Variants in TMEM68 observed in about 807,000 individuals in gnomAD.
TMEM68 encodes DGAT1/2-independent enzyme synthesizing storage lipids.
TMEM68 carries 25 observed loss-of-function variants against 36.9 expected under a neutral mutation model. The observed-to-expected ratio is 0.68, with a 90% confidence interval of 0.49 to 0.95. The LOEUF (loss-of-function observed/expected upper bound fraction) is 0.95, where lower values mean the gene tolerates loss of function less well. Ranked by LOEUF, TMEM68 falls within the 40% of genes least tolerant of loss-of-function variation. TMEM68 has a pLI of 0.00. For synonymous variants in TMEM68, 131 were observed against 124.4 expected, an observed-to-expected ratio of 1.05 and a Z score of -0.35; for missense variants, 333 against 392.0, an observed-to-expected ratio of 0.85 and a Z score of 1.27.
At chr8:55,769,236 T>C (rs917330654) in intron 1 of TMEM68, among the ~76,000 whole-genome samples, 1 of 142,002 alleles carries the variant, frequency 7.0e-6, no homozygotes, top group African/African-American at 2.6e-5. Flanking sequence ...GGCACTAGAA[T>C]TGCTTGAACC....
intron 1 of TMEM68, among the ~76,000 whole-genome samples, chr8:55,765,279 G>A (rs555199019): frequency 6.6e-6 from 1 of 152,126 alleles, no homozygotes; most frequent in Non-Finnish European, 1.5e-5. Context: ...GCTGCCATGA[G>A]CCACAAAATT....
chr8:55,749,768 G>A (rs1292692851), intron 5 of TMEM68, among the ~76,000 whole-genome samples: 2 of 152,012 alleles, frequency 1.3e-5, no homozygotes, highest in East Asian at 3.9e-4. Flanking sequence ...GAGATGTTGG[G>A]GTGGCACAAT....
chr8:55,771,967 C>CT (rs1211685454), intron 1 of TMEM68, among the ~76,000 whole-genome samples: 3 of 152,210 alleles, frequency 2.0e-5, no homozygotes, highest in East Asian at 1.9e-4. Context: ...CCCTTCAAGA[C>CT]TTTTCTTTAA....
intron 2 of TMEM68, chr8:55,763,302 T>C (rs1810859739): frequency 5.9e-6 from 1 of 169,636 alleles, no homozygotes; most frequent in South Asian, 1.9e-4. Context: ...ATGAGGAATA[T>C]AATTTCAGAT....
At chr8:55,745,617 T>C (rs1002472886) in intron 5 of TMEM68, 3 of 152,206 alleles carry the variant, frequency 2.0e-5, no homozygotes, top group African/African-American at 7.2e-5. Flanking sequence ...AAAATGAATG[T>C]GGTAAACTGA....
Position 55,738,814 on chromosome 8 carries a change from T to C in TMEM68, c.*1318A>G, listed in dbSNP as rs1236476590. On this transcript the variant is annotated 3_prime_UTR_variant, in exon 8 of 8. Transcript: ENST00000434581. Reference sequence around the variant, plus strand: ...TTTCACATATCATAAATACACACAATACAAAAAGCTATACAAAAACCCTAC... The same window carrying C: ...TTTCACATATCATAAATACACACAACACAAAAAGCTATACAAAAACCCTAC... The C allele has an allele frequency of 1.3e-5, 2 of 152,448 alleles. No individual in the cohort carries two copies. The highest frequency in any genetic ancestry group is 2.1e-4 in the South Asian group (1 of 4,828). 9.4% of individuals were successfully genotyped at this position (152,448 alleles called of 1,614,324 possible). A position where few individuals can be genotyped will look rare whatever the true frequency, so the allele number is the denominator to read the frequency against.
chr8:55,752,789 A>G (rs2129955326), intron 4 of TMEM68, among the ~76,000 whole-genome samples: 1 of 149,464 alleles, frequency 6.7e-6, no homozygotes, highest in South Asian at 2.1e-4. Flanking sequence ...CAGGGGCACA[A>G]TAGTAGCTCA....
chr8:55,754,520 T>C lies in TMEM68; in HGVS notation c.493+1724A>G, dbSNP rs529902963. On this transcript the variant is annotated intron_variant, in intron 4 of 7. Transcript: ENST00000434581. ...ACATACACACACACACGTGTATATA[T>C]ATATTTACATATACTTATATTATAT... Among the ~76,000 whole-genome samples the C allele has an allele frequency of 2.1e-5, 3 of 141,230 alleles. No individual in the cohort carries two copies. The East Asian group carries it at 5.9e-4, about 28-fold the overall frequency. The allele number at this position is 141,230 out of a possible 152,430, so 92.7% of individuals were successfully genotyped here.
chr8:55,768,057 A>G (rs1811029510), intron 1 of TMEM68, among the ~76,000 whole-genome samples: 1 of 152,164 alleles, frequency 6.6e-6, no homozygotes, highest in Non-Finnish European at 1.5e-5. Context: ...AAGAGCTTCA[A>G]GAAGGAAGGC....
chr8:55,754,797 A>ATAT (rs1474033537), intron 4 of TMEM68, among the ~76,000 whole-genome samples: 4 of 131,560 alleles, frequency 3.0e-5, no homozygotes, highest in African/African-American at 8.5e-5. Flanking sequence ...TAAAATACAT[A>ATAT]TATAATATAT....
intron 4 of TMEM68, among the ~76,000 whole-genome samples, chr8:55,755,298 ACT>A (rs1810569775): frequency 6.7e-6 from 1 of 148,668 alleles, no homozygotes; most frequent in East Asian, 2.0e-4. Flanking sequence ...ACGGAGTCTT[ACT>A]CTGTTGCCCA....
chr8:55,742,043 A>G (rs1810119273), intron 7 of TMEM68, among the ~76,000 whole-genome samples: 1 of 152,186 alleles, frequency 6.6e-6, no homozygotes. Context: ...GTTACAGAGT[A>G]AGACTGTCTC....
intron 4 of TMEM68, 88 bp downstream of exon 4, chr8:55,756,156 A>G (rs923535535): frequency 8.4e-7 from 1 of 1,190,190 alleles, no homozygotes; most frequent in Non-Finnish European, 1.2e-6. Flanking sequence ...TTTTCAAATG[A>G]CGTTAGAGAG....
chr8:55,772,826 C>T (rs1256330582), intron 1 of TMEM68: 1 of 152,754 alleles, frequency 6.5e-6, no homozygotes, highest in African/African-American at 2.4e-5. Flanking sequence ...CCTACACTCT[C>T]GGGATCACCA....
rs140330193 is a variant in TMEM68, at chr8:55,740,055, A to G, written c.*77T>C. 72 of 1,182,702 alleles carry G rather than the reference A, an allele frequency of 6.1e-5. No homozygotes were observed. The highest frequency in any genetic ancestry group is 3.5e-4 in the Admixed American group (15 of 42,700). 73.3% of individuals were successfully genotyped at this position (1,182,702 alleles called of 1,614,324 possible). A position where few individuals can be genotyped will look rare whatever the true frequency, so the allele number is the denominator to read the frequency against. On this transcript the variant is annotated 3_prime_UTR_variant, in exon 8 of 8. Coordinates refer to ENST00000434581, the MANE Select transcript of TMEM68 (RefSeq NM_001286657.2). The stretch of plus-strand genomic sequence containing the variant: ...AAAAATACTAATTATAGGACCTACA[A>G]AATTCAGAAGACAGTACCTTAGATA...
chr8:55,756,375 T>A lies in TMEM68; in HGVS notation c.362A>T (p.Asp121Val). The A allele has an allele frequency of 1.3e-6, 2 of 1,587,888 alleles. No homozygotes were observed. Among genetic ancestry groups the A allele is most frequent in the Non-Finnish European group, 1.7e-6 (2 of 1,172,060 alleles). Residue 121 changes from aspartate to valine, a missense_variant, in exon 4 of 8, where the codon GAT becomes GTT. Asp to Val is a radical substitution (Grantham distance 152, BLOSUM62 -3). Coordinates refer to ENST00000434581, the MANE Select transcript of TMEM68 (RefSeq NM_001286657.2). ...EVHGMEKIPE[D>V]GPALIIFYHG... Reference sequence around the variant, plus strand: ...ATAAAAAATTATAAGTGCTGGTCCATCTTCTGGTATTTTTTCCATTCCATG... The same window carrying A: ...ATAAAAAATTATAAGTGCTGGTCCAACTTCTGGTATTTTTTCCATTCCATG...
chr8:55,746,418 C>T (rs1224548007), intron 5 of TMEM68: 2 of 147,606 alleles, frequency 1.4e-5, no homozygotes, highest in African/African-American at 5.0e-5. Flanking sequence ...ATCAATGATT[C>T]AGTATATTTT....
chr8:55,759,819 C>T (rs551240306), intron 3 of TMEM68, among the ~76,000 whole-genome samples: 46 of 152,246 alleles, frequency 3.0e-4, no homozygotes, highest in Non-Finnish European at 5.0e-4. Flanking sequence ...AATCTTATTA[C>T]ATGTGGGGGA....
In TMEM68 at chr8:55,762,855, C is replaced by T; in HGVS notation, c.105G>A (p.Glu35=). The T allele has an allele frequency of 6.2e-7, 1 of 1,614,126 alleles. No homozygotes were observed. Among genetic ancestry groups the T allele is most frequent in the South Asian group, 1.1e-5 (1 of 91,084 alleles). ...GATAGTTTGCAAAATTCAAATAGTC[C>T]TCCAACTGCTCCACACCAAACCATT... The part of the protein sequence containing the change: ...LEEWFGVEQL[E]DYLNFANYLL... The change falls in exon 3 of 8, where the codon GAG becomes GAA. Residue 35 remains glutamate (E), a synonymous_variant. Transcript: ENST00000434581.
Sources: allele counts gnomAD v4.1 joint callset (sites outside exome capture counted in the v4.1 genomes callset), GRCh38; gene constraint gnomAD v4.1.1; transcripts MANE v1.5; gene names NCBI Gene and HGNC (gene_info 2026-07-23, HGNC 2026-07-21).